The following HEPH variants were observed in gnomAD, a reference collection of about 807,000 sequenced individuals.
HEPH encodes hephaestin.
Under a neutral mutation model 80.8 loss-of-function variants are expected in HEPH, and 69 were observed. The observed-to-expected ratio is 0.85, with a 90% confidence interval of 0.70 to 1.04. HEPH has a LOEUF of 1.04. HEPH is among the 50% of genes least tolerant of loss of function. The probability of loss-of-function intolerance (pLI) is 0.00; values close to 1 mark genes in which losing one functional copy is unlikely to be tolerated. For missense variants in HEPH, 1,115 were observed against 891.3 expected (o/e 1.25, Z -3.20); for synonymous variants, 431 against 322.8 (o/e 1.34, Z -3.60).
At chrX:66,162,952 C>T (rs2147443668), upstream of HEPH, 1 of 944,256 alleles carries the variant, frequency 1.1e-6, no homozygotes, top group Admixed American at 3.6e-5. Context: ...TAGATGCAGT[C>T]CTTTTTAGAG....
In HEPH at chrX:66,188,384, T is replaced by A; in HGVS notation, c.651T>A (p.Pro217=). 1 of 1,195,418 alleles carries A rather than the reference T, an allele frequency of 8.4e-7. No homozygotes were observed. The highest frequency in any genetic ancestry group is 1.1e-6 in the Non-Finnish European group (1 of 886,998). The change falls in exon 5 of 21, where the codon CCT becomes CCA. Residue 217 remains proline, a synonymous_variant. Coordinates refer to ENST00000343002, the MANE Select transcript of HEPH (RefSeq NM_001367233.3). The part of the protein sequence containing the change: ...KRGALDGNSP[P]QRQDVDHDFF... ...GAGCCCTGGATGGGAACTCCCCTCC[T>A]CAACGCCAGGATGTAGACCATGATT...
intron 19 of HEPH, 62 bp from the exon 20 acceptor site, chrX:66,263,582 G>A (rs1370306223): frequency 1.8e-6 from 2 of 1,123,422 alleles, no homozygotes; most frequent in South Asian, 3.7e-5. Flanking sequence ...TTTCATAGGG[G>A]GCCTATGGAT....
At chrX:66,229,091 G>A (rs773363569) in intron 15 of HEPH, among the ~76,000 whole-genome samples, 2 of 112,263 alleles carry the variant, frequency 1.8e-5, no homozygotes, top group Non-Finnish European at 3.8e-5. Flanking sequence ...CATGTTTATA[G>A]CAGCACGATT....
At chrX:66,221,833 G>A (rs1602399721) in intron 15 of HEPH, among the ~76,000 whole-genome samples, 1 of 112,570 alleles carries the variant, frequency 8.9e-6, no homozygotes, top group Non-Finnish European at 1.9e-5. Context: ...AAATCCTGCA[G>A]CTATTTGATT....
chrX:66,197,242 A>G (rs1232158666), intron 9 of HEPH, among the ~76,000 whole-genome samples: 3 of 110,384 alleles, frequency 2.7e-5, no homozygotes, highest in Non-Finnish European at 5.7e-5. Context: ...TGTACATAAT[A>G]CATATTAAAA....
chrX:66,243,309 G>A (rs1272763798), intron 15 of HEPH, among the ~76,000 whole-genome samples: 3 of 112,130 alleles, frequency 2.7e-5, no homozygotes, highest in Non-Finnish European at 3.8e-5. Flanking sequence ...TCAAAGTTAT[G>A]GGTAACAATA....
intron 4 of HEPH, among the ~76,000 whole-genome samples, chrX:66,187,268 T>TA (rs1159916117): frequency 1.9e-4 from 21 of 111,387 alleles, no homozygotes; most frequent in African/African-American, 6.9e-4. Flanking sequence ...GATTTTTTTT[T>TA]ATCTTGGCTT....
rs1428231356 is a variant in HEPH, at chrX:66,266,702, G to A, written c.*30G>A. ...TGGAGCCTGGAGATATCCTCAGGAA[G>A]CACATCTGTAGTGCACTCCCAGCAG... On this transcript the variant is annotated 3_prime_UTR_variant, in exon 21 of 21. Coordinates refer to ENST00000343002, the MANE Select transcript of HEPH (RefSeq NM_001367233.3). The A allele has an allele frequency of 4.7e-6, 5 of 1,069,781 alleles. No individual in the cohort carries two copies. The African/African-American group carries it at 7.4e-5, about 16-fold the overall frequency. The allele number at this position is 1,069,781 out of a possible 1,213,427, so 88.2% of individuals were successfully genotyped here. A position where few individuals can be genotyped will look rare whatever the true frequency, so the allele number is the denominator to read the frequency against.
chrX:66,213,747 G>T (rs970753649), intron 15 of HEPH, among the ~76,000 whole-genome samples: 9 of 111,398 alleles, frequency 8.1e-5, no homozygotes, highest in African/African-American at 2.9e-4. Flanking sequence ...TAAAGATGAA[G>T]TTACAATAAT....
intron 20 of HEPH, among the ~76,000 whole-genome samples, chrX:66,264,025 C>A (rs1448920464): frequency 9.1e-6 from 1 of 110,376 alleles, no homozygotes; most frequent in Non-Finnish European, 1.9e-5. Context: ...CATGTTCTCA[C>A]TTATAAGTGG....
intron 15 of HEPH, among the ~76,000 whole-genome samples, chrX:66,216,251 G>A (rs1297118910): frequency 9.0e-6 from 1 of 111,650 alleles, no homozygotes; most frequent in East Asian, 2.8e-4. Context: ...GTTCTTGAAA[G>A]CACCACCTCC....
At position 66,239,727 on chromosome X, in the gene HEPH, T is replaced by G. The variant is rs776838059; in HGVS notation, c.2564-15308T>G. Reference sequence around the variant, plus strand: ...AGAAAGGACACACTCTTCTAAGATTTTTAAAATTTAAATTAAAACTTTATA... The same window carrying G: ...AGAAAGGACACACTCTTCTAAGATTGTTAAAATTTAAATTAAAACTTTATA... On this transcript the variant is annotated intron_variant, in intron 15 of 20. Transcript: ENST00000343002. Among the ~76,000 whole-genome samples, 7 of 112,089 alleles carry G rather than the reference T, an allele frequency of 6.2e-5. No individual in the cohort carries two copies. In the East Asian group the frequency reaches 2.0e-3, roughly 31 times the overall value.
At chrX:66,262,427 A>G (rs773353527) in intron 19 of HEPH, among the ~76,000 whole-genome samples, 7 of 111,819 alleles carry the variant, frequency 6.3e-5, no homozygotes, top group Non-Finnish European at 1.3e-4. Flanking sequence ...AAATAGAGTC[A>G]TCTGCTGAGA....
At chrX:66,255,410 C>A (rs2091145571) in intron 16 of HEPH, among the ~76,000 whole-genome samples, 1 of 106,782 alleles carries the variant, frequency 9.4e-6, no homozygotes, top group African/African-American at 3.8e-5. Context: ...AACAAACACA[C>A]AAACAAACAA....
intron 15 of HEPH, among the ~76,000 whole-genome samples, chrX:66,228,778 C>T (rs1266971764): frequency 8.9e-6 from 1 of 111,934 alleles, no homozygotes; most frequent in African/African-American, 3.2e-5. Flanking sequence ...GAAAAAAATG[C>T]TCAACAGCAC....
chrX:66,172,138 G>A (rs2086620271), intron 2 of HEPH, among the ~76,000 whole-genome samples: 1 of 112,292 alleles, frequency 8.9e-6, no homozygotes, highest in African/African-American at 3.2e-5. Context: ...TTTTATGTGG[G>A]TTTAAAGTGG....
intron 15 of HEPH, among the ~76,000 whole-genome samples, chrX:66,247,973 G>A (rs1447747307): frequency 9.0e-6 from 1 of 111,520 alleles, no homozygotes; most frequent in African/African-American, 3.3e-5. Context: ...CCTCTGATTT[G>A]CACCATCTTC....
At chrX:66,163,715 C>A (rs139698337), upstream of HEPH, among the ~76,000 whole-genome samples, 1 of 111,575 alleles carries the variant, frequency 9.0e-6, no homozygotes, top group Non-Finnish European at 1.9e-5. Flanking sequence ...TTCTCTTTTA[C>A]TTCCTAAGTG....
intron 14 of HEPH, 122 bp from the exon 15 acceptor site, chrX:66,207,993 G>A (rs1471152243): frequency 1.7e-5 from 8 of 475,602 alleles, no homozygotes; most frequent in Non-Finnish European, 6.7e-6. Flanking sequence ...GTCTTAGAAG[G>A]ATGTTTTGTC....
Sources: allele counts gnomAD v4.1 joint callset (sites outside exome capture counted in the v4.1 genomes callset), GRCh38; gene constraint gnomAD v4.1.1; transcripts MANE v1.5; gene names NCBI Gene and HGNC (gene_info 2026-07-23, HGNC 2026-07-21).